The following NBPF8 variants were observed in gnomAD, a reference collection of about 807,000 sequenced individuals.
NBPF8 encodes the protein NBPF member 8.
chr1:120,457,495 C>T (rs1221546842), intron 16 of NBPF8, among the ~76,000 whole-genome samples: 469 of 46,732 alleles, frequency 0.01, no homozygotes, highest in East Asian at 0.047. Context: ...AAACCAAATA[C>T]CGCATGTTCT....
In NBPF8 at chr1:120,457,746, T is replaced by C. The variant is rs1413988390; in HGVS notation, n.2621-1621T>C. Among the ~76,000 whole-genome samples, 18 of 67,616 alleles carry C rather than the reference T, an allele frequency of 2.7e-4. 2 individuals are homozygous for C. In the South Asian group the frequency reaches 5.0e-3, roughly 19 times the overall value. 44.4% of individuals were successfully genotyped at this position (67,616 alleles called of 152,430 possible). A position where few individuals can be genotyped will look rare whatever the true frequency, so the allele number is the denominator to read the frequency against. On this transcript the variant is annotated intron_variant and non_coding_transcript_variant, in intron 16 of 24. Transcript: ENST00000583271. ...AAGTATTAAAAAAAAAATATATATATATATATACATACACACAAAAAATAA... is the reference window on the plus strand; with the variant it reads ...AAGTATTAAAAAAAAAATATATATACATATATACATACACACAAAAAATAA...
intron 11 of NBPF8, among the ~76,000 whole-genome samples, chr1:120,450,650 TTA>T (rs1661241350): frequency 6.6e-6 from 1 of 152,198 alleles, no homozygotes; most frequent in East Asian, 1.9e-4. Flanking sequence ...CCTTATGGTG[TTA>T]TGTGTCACAC....
At chr1:120,453,645 C>T (rs1661349368) in intron 14 of NBPF8, among the ~76,000 whole-genome samples, 1 of 151,730 alleles carries the variant, frequency 6.6e-6, no homozygotes, top group South Asian at 2.1e-4. Flanking sequence ...CTGTACCGTA[C>T]AGGGATAGCT....
chr1:120,424,356 C>A (rs1660650780), intron 1 of NBPF8, among the ~76,000 whole-genome samples: 1 of 151,174 alleles, frequency 6.6e-6, no homozygotes, highest in South Asian at 2.1e-4. Flanking sequence ...CTGGTGAGCA[C>A]AAGAAAAGGA....
chr1:120,418,825 G>T (rs1660495214), upstream of NBPF8, among the ~76,000 whole-genome samples: 1 of 150,604 alleles, frequency 6.6e-6, no homozygotes, highest in South Asian at 2.1e-4. Flanking sequence ...TGGGATTACA[G>T]GCATAAGCCA....
At chr1:120,467,509 C>T (rs1441844350) in exon 25 of NBPF8, 1 of 89,326 alleles carries the variant, frequency 1.1e-5, no homozygotes, top group Non-Finnish European at 2.3e-5. Context: ...TATAAATATC[C>T]TGTATTCTAA....
At chr1:120,460,385 G>A (rs1661546509) in intron 17 of NBPF8, among the ~76,000 whole-genome samples, 188 bp from the exon 16 acceptor site, 1 of 152,256 alleles carries the variant, frequency 6.6e-6, no homozygotes, top group Non-Finnish European at 1.5e-5. Context: ...TTTGCCCAAG[G>A]CTCATGAAAG....
upstream of NBPF8, among the ~76,000 whole-genome samples, chr1:120,415,844 G>C (rs1660423163): frequency 6.6e-6 from 1 of 152,172 alleles, no homozygotes; most frequent in African/African-American, 2.4e-5. Context: ...TGTGGGGTTG[G>C]TGTTTGCACT....
At chr1:120,464,342 C>G in intron 22 of NBPF8, 34 bp from the exon 21 acceptor site, 1 of 775,020 alleles carries the variant, frequency 1.3e-6, no homozygotes, top group Non-Finnish European at 2.3e-6. Context: ...CTGATTTCCC[C>G]TGGCGTATTC....
At chr1:120,434,283 C>T (rs1474416530), upstream of NBPF8, among the ~76,000 whole-genome samples, 14 of 34,444 alleles carry the variant, frequency 4.1e-4, no homozygotes, top group East Asian at 7.9e-3. Flanking sequence ...TATGTATATA[C>T]ACGTATTATA....
At chr1:120,454,747 C>T (rs1242505214) in intron 15 of NBPF8, among the ~76,000 whole-genome samples, 1 of 90,066 alleles carries the variant, frequency 1.1e-5, no homozygotes, top group Non-Finnish European at 2.1e-5. Context: ...TGGAGTCTTG[C>T]TCTGTCACCC....
intron 16 of NBPF8, 51 bp from the exon 15 acceptor site, chr1:120,459,313 TCTA>T (rs1661506363): frequency 1.3e-6 from 1 of 780,876 alleles, no homozygotes; most frequent in East Asian, 2.5e-5. Flanking sequence ...GGTTTTGTTG[TCTA>T]ATGTCTGTTG....
intron 12 of NBPF8, among the ~76,000 whole-genome samples, chr1:120,451,746 G>A (rs1661278721): frequency 6.8e-6 from 1 of 147,974 alleles, no homozygotes; most frequent in Non-Finnish European, 1.5e-5. Flanking sequence ...CCTCATTTCT[G>A]TACATGGCTT....
intron 23 of NBPF8, among the ~76,000 whole-genome samples, 157 bp downstream of exon 21, chr1:120,464,705 G>C (rs1226803584): frequency 4.2e-5 from 6 of 142,566 alleles, no homozygotes; most frequent in Non-Finnish European, 7.7e-5. Context: ...AGTTCTACCT[G>C]GAAGCCCAGA....
At chr1:120,456,611 G>T (rs1416805560) in intron 16 of NBPF8, among the ~76,000 whole-genome samples, 3 of 135,654 alleles carry the variant, frequency 2.2e-5, no homozygotes, top group Admixed American at 7.1e-5. Flanking sequence ...TTTTCCATTT[G>T]CTTGGTAGAT....
intron 20 of NBPF8, among the ~76,000 whole-genome samples, chr1:120,462,411 A>G (rs1661617483): frequency 6.8e-6 from 1 of 147,894 alleles, no homozygotes; most frequent in Non-Finnish European, 1.5e-5. Context: ...ACCATACCTC[A>G]AAGGCTGTAT....
upstream of NBPF8, among the ~76,000 whole-genome samples, chr1:120,431,993 T>C (rs1660892737): frequency 8.1e-6 from 1 of 123,262 alleles, no homozygotes; most frequent in African/African-American, 3.2e-5. Flanking sequence ...CTAAGCTATA[T>C]GTGTATGTGG....
chr1:120,441,143 CTCTTTA>C, intron 4 of NBPF8, 129 bp from the exon 8 acceptor site: 1 of 554,534 alleles, frequency 1.8e-6, no homozygotes, highest in Non-Finnish European at 3.1e-6. Flanking sequence ...TGCCTGTTTC[CTCTTTA>C]AGGGAACCTC....
upstream of NBPF8, among the ~76,000 whole-genome samples, chr1:120,415,950 G>T (rs2101360847): frequency 6.6e-6 from 1 of 152,296 alleles, no homozygotes; most frequent in Admixed American, 6.5e-5. Context: ...CAAGACGTTT[G>T]GCGTGGTTTT....
Sources: allele counts gnomAD v4.1 joint callset (sites outside exome capture counted in the v4.1 genomes callset), GRCh38; gene constraint gnomAD v4.1.1; transcripts MANE v1.5; gene names NCBI Gene and HGNC (gene_info 2026-07-23, HGNC 2026-07-21).